Variants in WASF3 observed in about 807,000 individuals in gnomAD.
WASF3 encodes the protein actin-binding protein WASF3.
A neutral mutation model predicts 46.6 loss-of-function variants in WASF3; 11 were observed. That is an observed-to-expected ratio of 0.24 (90% CI 0.15 to 0.39). The LOEUF (loss-of-function observed/expected upper bound fraction) is 0.39. Ranked by LOEUF, WASF3 falls within the 10% of genes least tolerant of loss-of-function variation. The probability of loss-of-function intolerance (pLI) is 1.00; values close to 1 mark genes in which losing one functional copy is unlikely to be tolerated. For synonymous variants in WASF3, 242 were observed against 259.7 expected (o/e 0.93, Z 0.65); for missense variants, 576 against 669.8 (o/e 0.86, Z 1.55).
At position 26,682,766 on chromosome 13, in the gene WASF3, T is replaced by C; in HGVS notation, c.1143T>C (p.Ala381=). The change falls in exon 9 of 10, where the codon GCT becomes GCC. Residue 381 remains alanine (A), a synonymous_variant. Coordinates refer to ENST00000335327, the MANE Select transcript of WASF3 (RefSeq NM_006646.6). This position sits in a 1 kb window ranked among gnomAD's most constrained non-coding sequence, Gnocchi z 4.4. ...FPASASSTHA[A]PPHPPSTGLL... The stretch of plus-strand genomic sequence containing the variant: ...CATCAGCCAGCTCCACGCACGCAGC[T>C]CCTCCTCACCCACCCTCCACCGGGC... 2 of 1,612,656 alleles carry C rather than the reference T, an allele frequency of 1.2e-6. No individual in the cohort carries two copies. Among genetic ancestry groups the C allele is most frequent in the South Asian group, 2.2e-5 (2 of 91,056 alleles).
the WASF3 span, among the ~76,000 whole-genome samples, chr13:26,548,989 G>C: frequency 3.5e-5 from 5 of 143,734 alleles, no homozygotes; most frequent in Non-Finnish European, 6.1e-5. Context: ...TTCTTTCTTT[G>C]TTTTTTTTTT....
intron 1 of WASF3, among the ~76,000 whole-genome samples, chr13:26,608,502 TG>T (rs1880871742): frequency 6.6e-6 from 1 of 152,200 alleles, no homozygotes; most frequent in Admixed American, 6.5e-5. Context: ...CTACTTGTTT[TG>T]TATTTATTTA....
At chr13:26,683,085 AAT>A in intron 9 of WASF3, 111 bp downstream of exon 9, 1 of 1,440,734 alleles carries the variant, frequency 6.9e-7, no homozygotes, top group Non-Finnish European at 9.2e-7. Flanking sequence ...CGTTTTTTAA[AAT>A]AGAGTTAAAG....
rs756733732 is a variant in WASF3 at position 26,676,576 on chromosome 13, C to T, written c.568C>T (p.Arg190Cys). ...KEQKRIDGTT[R>C]EVKKVRKARN... ...GCAAAAGCGTATAGATGGCACCACC[C>T]GTGAGGTGAAAAAGGTTAGAAAAGC... is the stretch of plus-strand genomic sequence containing the variant. Residue 190 changes from arginine to cysteine, a missense_variant, in exon 7 of 10, where the codon CGT becomes TGT. Arg to Cys is a radical substitution (Grantham distance 180). This residue lies in a region of WASF3 where 213 missense variants were observed against 278.0 expected (regional missense o/e 0.77). Transcript: ENST00000335327. 5.6e-6 allele frequency: 9 copies of T among 1,614,026 alleles called. No individual in the cohort carries two copies. The highest frequency in any genetic ancestry group is 3.3e-5 in the South Asian group (3 of 91,074).
chr13:26,667,458 C>G (rs1194860763), intron 4 of WASF3, 59 bp from the exon 5 acceptor site: 11 of 1,494,456 alleles, frequency 7.4e-6, no homozygotes, highest in Non-Finnish European at 1.0e-5. Flanking sequence ...ATGGTATTTA[C>G]TTCTAAACAG....
intron 1 of WASF3, among the ~76,000 whole-genome samples, chr13:26,566,567 G>A (rs1879470813): frequency 6.6e-6 from 1 of 152,196 alleles, no homozygotes; most frequent in African/African-American, 2.4e-5. Context: ...CTTATGTTGG[G>A]GTCGTCATGG....
chr13:26,549,435 T>C, the WASF3 span, among the ~76,000 whole-genome samples: 1 of 152,210 alleles, frequency 6.6e-6, no homozygotes, highest in Non-Finnish European at 1.5e-5. Context: ...TCTCTCTTTT[T>C]ATTAATAAAG....
intron 6 of WASF3, among the ~76,000 whole-genome samples, chr13:26,674,759 A>T (rs1883013777): frequency 6.6e-6 from 1 of 152,230 alleles, no homozygotes; most frequent in African/African-American, 2.4e-5. Flanking sequence ...ATTCTTCAGG[A>T]TAAATTTCTA....
rs185503298 is a variant in WASF3 at position 26,603,053 on chromosome 13, A to G, written c.-108-9908A>G. The stretch of plus-strand genomic sequence containing the variant: ...GTCTGAGCTTGAAGAGGAAGGCGAT[A>G]AGGGCCCATGGGGAGGTAAGAGTAA... On this transcript the variant is annotated intron_variant, in intron 1 of 9. Coordinates refer to ENST00000335327, the MANE Select transcript of WASF3 (RefSeq NM_006646.6). Among the ~76,000 whole-genome samples, 3 of 152,168 alleles carry G rather than the reference A, an allele frequency of 2.0e-5. No individual in the cohort carries two copies. In the East Asian group the frequency reaches 5.8e-4, roughly 29 times the overall value.
intron 3 of WASF3, among the ~76,000 whole-genome samples, chr13:26,644,480 A>G (rs1882090155): frequency 6.6e-6 from 1 of 152,196 alleles, no homozygotes; most frequent in Non-Finnish European, 1.5e-5. Flanking sequence ...ACGCTACTGC[A>G]GTGCATCTCA....
Position 26,676,558 on chromosome 13 carries a change from C to T in WASF3, c.550C>T (p.Arg184Cys), listed in dbSNP as rs373950661. The change falls in exon 7 of 10, where the codon CGT (arginine) becomes TGT (cysteine). Residue 184 changes from arginine (R) to cysteine (C), a missense_variant. Arg to Cys is a radical substitution (Grantham distance 180). Around this residue, in one of 3 missense-constraint regions of WASF3, gnomAD observed 213 missense variants for 278.0 expected, o/e 0.77. Transcript: ENST00000335327. Reference protein sequence around the residue: ...KEKRRQKEQKRIDGTTREVKK... With the variant: ...KEKRRQKEQKCIDGTTREVKK... ...CTTTCCTGGACATCAGGAGCAAAAG[C>T]GTATAGATGGCACCACCCGTGAGGT... 2.7e-5 allele frequency: 44 copies of T among 1,613,516 alleles called. No homozygotes were observed. The highest frequency in any genetic ancestry group is 3.4e-5 in the Non-Finnish European group (40 of 1,179,842).
chr13:26,592,026 GTTT>G (rs10607701), intron 1 of WASF3, among the ~76,000 whole-genome samples: 151 of 121,132 alleles, frequency 1.2e-3, no homozygotes, highest in Middle Eastern at 4.3e-3. Context: ...GAGCAGGCGA[GTTT>G]TTTTTTTTTT....
chr13:26,623,270 C>T (rs1325181446), intron 2 of WASF3, among the ~76,000 whole-genome samples: 3 of 152,140 alleles, frequency 2.0e-5, no homozygotes, highest in African/African-American at 4.8e-5. Flanking sequence ...CTAGACAGAA[C>T]CTCTTTTGAT....
At position 26,679,795 on chromosome 13, in the gene WASF3, C is replaced by G. The variant is rs1042780201; in HGVS notation, c.717-1259C>G. On this transcript the variant is annotated intron_variant, in intron 7 of 9. Transcript: ENST00000335327. This position sits in a 1 kb window ranked among gnomAD's most constrained non-coding sequence, Gnocchi z 4.8. The stretch of plus-strand genomic sequence containing the variant: ...TCAAAAGACATAATCAGAAGTGCAC[C>G]ATAATCCAGAATTCATACTGCAATT... Among the ~76,000 whole-genome samples the G allele has an allele frequency of 9.2e-5, 14 of 152,082 alleles. No homozygotes were observed. Among genetic ancestry groups the G allele is most frequent in the Non-Finnish European group, 1.9e-4 (13 of 67,998 alleles).
At chr13:26,544,382 G>A in the WASF3 span, among the ~76,000 whole-genome samples, 1 of 152,292 alleles carries the variant, frequency 6.6e-6, no homozygotes, top group South Asian at 2.1e-4. Context: ...CCAAGAGTAT[G>A]GAATGTTGAT....
intron 3 of WASF3, among the ~76,000 whole-genome samples, chr13:26,645,780 C>T (rs1395304860): frequency 1.3e-5 from 2 of 152,110 alleles, no homozygotes; most frequent in Non-Finnish European, 2.9e-5. Flanking sequence ...CAGATGACCC[C>T]AATTTTGGAA....
intron 3 of WASF3, among the ~76,000 whole-genome samples, chr13:26,661,790 TTAAA>T (rs1165985636): frequency 6.6e-6 from 1 of 152,224 alleles, no homozygotes; most frequent in East Asian, 1.9e-4. Flanking sequence ...TTTTTGTTTT[TTAAA>T]TAGTAGCATC....
chr13:26,668,680 A>G (rs1882842222), intron 5 of WASF3, among the ~76,000 whole-genome samples: 1 of 152,220 alleles, frequency 6.6e-6, no homozygotes, highest in Non-Finnish European at 1.5e-5. Context: ...CAGCTGTGCT[A>G]GGAAAGTGCA....
intron 2 of WASF3, among the ~76,000 whole-genome samples, chr13:26,633,856 A>G (rs1263086664): frequency 2.6e-5 from 4 of 152,164 alleles, no homozygotes; most frequent in South Asian, 2.1e-4. Context: ...TCTGAGAGAC[A>G]GTTTCTTGTG....
Sources: gnomAD v4.1 joint callset for allele counts (sites outside exome capture counted in the v4.1 genomes callset) on GRCh38, gnomAD v4.1.1 for gene constraint, gnomAD v4.1.1 regional missense constraint, Gnocchi (gnomAD v3.1) non-coding constraint, MANE v1.5 for transcripts, NCBI Gene and HGNC (gene_info 2026-07-23, HGNC 2026-07-21) for gene names.